Variants in HRNR observed in about 807,000 individuals in gnomAD.
The protein encoded by HRNR is filaggrin family member 3.
In HRNR, 7 loss-of-function variants were observed where a neutral mutation model predicts 4.8. That is an observed-to-expected ratio of 1.47 (90% CI 0.83 to 2.75). The LOEUF (loss-of-function observed/expected upper bound fraction) is 2.75, where lower values mean the gene tolerates loss of function less well. Ranked by LOEUF, HRNR falls within the 30% of genes most tolerant of loss-of-function variation. The pLI, the probability that HRNR is intolerant of heterozygous loss-of-function variation, is 0.00. For synonymous variants in HRNR, 1,023 were observed against 1,242.7 expected (o/e 0.82, Z 3.72); for missense variants, 2,879 against 3,010.4 (o/e 0.96, Z 1.02).
chr1:152,221,491 C>T lies in HRNR; in HGVS notation c.139-1G>A, dbSNP rs752371540. 11 of 1,588,520 alleles carry T rather than the reference C, an allele frequency of 6.9e-6. No homozygotes were observed. Among genetic ancestry groups the T allele is most frequent in the Non-Finnish European group, 9.4e-6 (11 of 1,166,430 alleles). ...CCACAGTATCTGGATCGTTTGGATTCTGTATAAGAGAAAGGTACAAAGAGT... is the reference window on the plus strand; with the variant it reads ...CCACAGTATCTGGATCGTTTGGATTTTGTATAAGAGAAAGGTACAAAGAGT... On this transcript the variant is annotated splice_acceptor_variant, in intron 2 of 2. Transcript: ENST00000368801. LOFTEE classifies it high-confidence loss of function.
Position 152,220,847 on chromosome 1 carries a change from C to T in HRNR, c.782G>A (p.Gly261Asp). Residue 261 changes from glycine to aspartate, a missense_variant, in exon 3 of 3, where the codon GGC (glycine) becomes GAC (aspartate). By Grantham distance (94) the Gly-to-Asp change is moderately conservative. Coordinates refer to ENST00000368801, the MANE Select transcript of HRNR (RefSeq NM_001009931.3). The stretch of plus-strand genomic sequence containing the variant: ...CCTAGATGACTGTCCTGACCTAGAG[C>T]CGTGTTGTCCGTAGCCAGAGGAGTG... ...SGHSSGYGQHGSRSGQSSRGE... is the reference protein window; with the variant it reads ...SGHSSGYGQHDSRSGQSSRGE... 10 of 1,614,010 alleles carry T rather than the reference C, an allele frequency of 6.2e-6. No individual in the cohort carries two copies. Among genetic ancestry groups the T allele is most frequent in the Non-Finnish European group, 8.5e-6 (10 of 1,179,990 alleles).
Position 152,213,356 on chromosome 1 carries a change from C to A in HRNR, c.8273G>T (p.Gly2758Val). Residue 2758 changes from glycine to valine, a missense_variant, in exon 3 of 3, where the codon GGC becomes GTC. Gly to Val is a moderately radical substitution (Grantham distance 109, BLOSUM62 -3). Around this residue, in one of 8 missense-constraint regions of HRNR, gnomAD observed 158 missense variants for 107.6 expected, o/e 1.47. Transcript: ENST00000368801. Reference sequence around the variant, plus strand: ...AGATCCAGCCCCATGTCGGCCATAGCCAGAAGACTGACTGGAGCCAGAGCC... The same window carrying A: ...AGATCCAGCCCCATGTCGGCCATAGACAGAAGACTGACTGGAGCCAGAGCC... ...HRGSGSSQSS[G>V]YGRHGAGSGQ... is the part of the protein sequence containing the mutation. The A allele has an allele frequency of 1.7e-6, 1 of 584,680 alleles. No homozygotes were observed. The highest frequency in any genetic ancestry group is 1.7e-5 in the South Asian group (1 of 57,196). The allele number at this position is 584,680 out of a possible 1,614,324, so 36.2% of individuals were successfully genotyped here. A position where few individuals can be genotyped will look rare whatever the true frequency, so the allele number is the denominator to read the frequency against.
Position 152,220,157 on chromosome 1 carries a change from T to C in HRNR, c.1472A>G (p.His491Arg). ...TCCTGACCTAGAGCCGTGTTGTCCG[T>C]GGCCGGAGGAGTGACCTGAGCCAGA... Reference protein sequence around the residue: ...HGSGSGHSSGHGQHGSRSGQS... With the variant: ...HGSGSGHSSGRGQHGSRSGQS... Residue 491 changes from histidine to arginine, a missense_variant, in exon 3 of 3, where the codon CAC becomes CGC. Coordinates refer to ENST00000368801, the MANE Select transcript of HRNR (RefSeq NM_001009931.3). The C allele has an allele frequency of 6.2e-7, 1 of 1,613,270 alleles. No individual in the cohort carries two copies. The highest frequency in any genetic ancestry group is 8.5e-7 in the Non-Finnish European group (1 of 1,179,488).
chr1:152,220,820 C>G lies in HRNR; in HGVS notation c.809G>C (p.Gly270Ala). Residue 270 changes from glycine (G) to alanine (A), a missense_variant, in exon 3 of 3, where the codon GGT becomes GCT. By Grantham distance (60) the Gly-to-Ala change is moderately conservative (BLOSUM62 0). This residue lies in a region of HRNR where 2,646 missense variants were observed against 1,377.7 expected (regional missense o/e 1.92). Coordinates refer to ENST00000368801, the MANE Select transcript of HRNR (RefSeq NM_001009931.3). ...ACCTGAGCTAGATCTGTGTCGTTCA[C>G]CCCTAGATGACTGTCCTGACCTAGA... ...HGSRSGQSSR[G>A]ERHRSSSGSS... 1.2e-6 allele frequency: 2 copies of G among 1,613,716 alleles called. No individual in the cohort carries two copies. Among genetic ancestry groups the G allele is most frequent in the Non-Finnish European group, 1.7e-6 (2 of 1,179,912 alleles).
rs936251734 is a variant in HRNR at position 152,212,773 on chromosome 1, T to G, written c.*303A>C. ...AATGATGAGCTCTCAAAAAGACAAC[T>G]CCAACTAAACCCAAAGCTCTTTAAA... On this transcript the variant is annotated 3_prime_UTR_variant, in exon 3 of 3. Coordinates refer to ENST00000368801, the MANE Select transcript of HRNR (RefSeq NM_001009931.3). 9.6e-6 allele frequency: 4 copies of G among 417,966 alleles called. No individual in the cohort carries two copies. The highest frequency in any genetic ancestry group is 1.7e-5 in the Non-Finnish European group (4 of 235,934). The allele number at this position is 417,966 out of a possible 1,614,324, so 25.9% of individuals were successfully genotyped here.
In HRNR at chr1:152,219,177, CA is replaced by C. The variant is rs751163105; in HGVS notation, c.2451del (p.Phe817LeufsTer234). 5.6e-6 allele frequency: 9 copies of C among 1,613,812 alleles called. No homozygotes were observed. Among genetic ancestry groups the C allele is most frequent in the South Asian group, 1.1e-5 (1 of 91,072 alleles). ...YESGSGQASG[F>X]GQHESGSGQG... The stretch of plus-strand genomic sequence containing the variant: ...TGTCCTGAGCCAGACTCGTGTTGCC[CA>C]AAACCAGAAGCCTGGCCTGAGCCAG... On this transcript the variant is annotated frameshift_variant, in exon 3 of 3. Transcript: ENST00000368801. LOFTEE classifies it low-confidence loss of function (END_TRUNC).
Position 152,219,569 on chromosome 1 carries a change from C to G in HRNR, c.2060G>C (p.Ser687Thr). The change falls in exon 3 of 3, where the codon AGC becomes ACC. Residue 687 changes from serine (S) to threonine (T), a missense_variant. Transcript: ENST00000368801. The part of the protein sequence containing the change: ...QHGSGSGWSS[S>T]NGPHGSVSGQ... Reference sequence around the variant, plus strand: ...TGAGACAGACCCATGTGGGCCATTGCTTGAAGACCAACCGGAGCCAGACCC... The same window carrying G: ...TGAGACAGACCCATGTGGGCCATTGGTTGAAGACCAACCGGAGCCAGACCC... 2 of 1,613,962 alleles carry G rather than the reference C, an allele frequency of 1.2e-6. No homozygotes were observed. Among genetic ancestry groups the G allele is most frequent in the Non-Finnish European group, 1.7e-6 (2 of 1,180,000 alleles).
chr1:152,218,656 A>C lies in HRNR; in HGVS notation c.2973T>G (p.Arg991=). Residue 991 remains arginine, a synonymous_variant, in exon 3 of 3, where the codon CGT becomes CGG. Transcript: ENST00000368801. Reference sequence around the variant, plus strand: ...CATGTTGGCCGTGGCCCAAAGACTGACGGGAGCCAGACCCATGCTGACCAT... The same window carrying C: ...CATGTTGGCCGTGGCCCAAAGACTGCCGGGAGCCAGACCCATGCTGACCAT... ...SSYGQHGSGS[R]QSLGHGQHGS... The C allele has an allele frequency of 6.2e-7, 1 of 1,612,498 alleles. No individual in the cohort carries two copies. The highest frequency in any genetic ancestry group is 1.1e-5 in the South Asian group (1 of 90,978).
rs1236439430 is a variant in HRNR, at chr1:152,221,336, C to T, written c.293G>A (p.Gly98Glu). ...GTGAGTGTCATCTCTCAGCTTTGAC[C>T]CTGAAACTTGGCAGTAATCTTTGCC... ...IIGKDYCQVS[G>E]SKLRDDTHQH... Residue 98 changes from glycine (G) to glutamate (E), a missense_variant, in exon 3 of 3, where the codon GGG becomes GAG. Transcript: ENST00000368801. The T allele has an allele frequency of 1.2e-6, 2 of 1,613,906 alleles. No homozygotes were observed. Among genetic ancestry groups the T allele is most frequent in the South Asian group, 2.2e-5 (2 of 91,070 alleles).
chr1:152,218,659 G>A lies in HRNR; in HGVS notation c.2970C>T (p.Ser990=). 1 of 1,609,938 alleles carries A rather than the reference G, an allele frequency of 6.2e-7. No individual in the cohort carries two copies. The highest frequency in any genetic ancestry group is 8.5e-7 in the Non-Finnish European group (1 of 1,178,888). The change falls in exon 3 of 3, where the codon TCC becomes TCT. Residue 990 remains serine (S), a synonymous_variant. Transcript: ENST00000368801. ...SSSYGQHGSG[S]RQSLGHGQHG... is the part of the protein sequence containing the mutation. Reference sequence around the variant, plus strand: ...GTTGGCCGTGGCCCAAAGACTGACGGGAGCCAGACCCATGCTGACCATAGC... The same window carrying A: ...GTTGGCCGTGGCCCAAAGACTGACGAGAGCCAGACCCATGCTGACCATAGC...
Position 152,218,652 on chromosome 1 carries a change from A to G in HRNR, c.2977T>C (p.Ser993Pro), listed in dbSNP as rs749149773. The change falls in exon 3 of 3, where the codon TCT (serine) becomes CCT (proline). Residue 993 changes from serine (S) to proline (P), a missense_variant. Around this residue, in one of 8 missense-constraint regions of HRNR, gnomAD observed 2,646 missense variants for 1,377.7 expected, o/e 1.92. Coordinates refer to ENST00000368801, the MANE Select transcript of HRNR (RefSeq NM_001009931.3). ...YGQHGSGSRQSLGHGQHGSGS... is the reference protein window; with the variant it reads ...YGQHGSGSRQPLGHGQHGSGS... ...GACCCATGTTGGCCGTGGCCCAAAG[A>G]CTGACGGGAGCCAGACCCATGCTGA... 6.8e-6 allele frequency: 11 copies of G among 1,611,980 alleles called. No individual in the cohort carries two copies. In the South Asian group the frequency reaches 1.1e-4, roughly 16 times the overall value.
In HRNR at chr1:152,219,449, C is replaced by T; in HGVS notation, c.2180G>A (p.Arg727Lys). The T allele has an allele frequency of 1.2e-6, 2 of 1,613,920 alleles. No individual in the cohort carries two copies. Among genetic ancestry groups the T allele is most frequent in the Non-Finnish European group, 1.7e-6 (2 of 1,179,970 alleles). Residue 727 changes from arginine (R) to lysine (K), a missense_variant, in exon 3 of 3, where the codon AGA (arginine) becomes AAA (lysine). By Grantham distance (26) the Arg-to-Lys change is conservative (BLOSUM62 2). Coordinates refer to ENST00000368801, the MANE Select transcript of HRNR (RefSeq NM_001009931.3). ...GSGSSHSSGY[R>K]KHGSRSGQSS... is the part of the protein sequence containing the mutation. ...CTGTCCTGACCTAGAGCCGTGTTTT[C>T]TGTAGCCGGAGGAGTGACTTGAGCC...
In HRNR at chr1:152,220,092, A is replaced by C; in HGVS notation, c.1537T>G (p.Ser513Ala). ...CCATGCTGACCATAGCTGGAAGATG[A>C]ACCTGCACTAGATCCTTGTCGTTCA... ...RGERQGSSAG[S>A]SSSYGQHGSG... Residue 513 changes from serine (S) to alanine (A), a missense_variant, in exon 3 of 3, where the codon TCA becomes GCA. Ser to Ala is a moderately conservative substitution (Grantham distance 99). Coordinates refer to ENST00000368801, the MANE Select transcript of HRNR (RefSeq NM_001009931.3). 6.2e-7 allele frequency: 1 copy of C among 1,612,764 alleles called. No individual in the cohort carries two copies. Among genetic ancestry groups the C allele is most frequent in the Non-Finnish European group, 8.5e-7 (1 of 1,179,504 alleles).
rs1375738262 is a variant in HRNR at position 152,219,323 on chromosome 1, C to T, written c.2306G>A (p.Gly769Glu). ...SHQSSGHGRQGSGSGHSPSRV... is the reference protein window; with the variant it reads ...SHQSSGHGRQESGSGHSPSRV... ...GCTAGGAGAGTGGCCAGATCCAGAC[C>T]CTTGTCGGCCGTGGCCCGAAGATTG... The change falls in exon 3 of 3, where the codon GGG becomes GAG. Residue 769 changes from glycine (G) to glutamate (E), a missense_variant. This residue lies in a region of HRNR where 2,646 missense variants were observed against 1,377.7 expected (regional missense o/e 1.92). Coordinates refer to ENST00000368801, the MANE Select transcript of HRNR (RefSeq NM_001009931.3). 1.2e-6 allele frequency: 2 copies of T among 1,613,386 alleles called. No individual in the cohort carries two copies. Among genetic ancestry groups the T allele is most frequent in the Non-Finnish European group, 1.7e-6 (2 of 1,179,926 alleles).
At position 152,213,069 on chromosome 1, in the gene HRNR, T is replaced by A. The variant is rs774405372; in HGVS notation, c.*7A>T. ...CTACTTGAGTAAATTGCATTTATGTTTATTATTCACTGATAAAAGTAGCAC... is the reference window on the plus strand; with the variant it reads ...CTACTTGAGTAAATTGCATTTATGTATATTATTCACTGATAAAAGTAGCAC... On this transcript the variant is annotated 3_prime_UTR_variant, in exon 3 of 3. Transcript: ENST00000368801. 6 of 1,605,970 alleles carry A rather than the reference T, an allele frequency of 3.7e-6. No individual in the cohort carries two copies. Among genetic ancestry groups the A allele is most frequent in the Non-Finnish European group, 1.7e-6 (2 of 1,176,156 alleles).
rs141263661 is a variant in HRNR at position 152,219,102 on chromosome 1, G to A, written c.2527C>T (p.Arg843Ter). Residue 843 changes from arginine to a stop codon, truncating the protein, a stop_gained, in exon 3 of 3, where the codon CGA (arginine) becomes TGA (stop). Transcript: ENST00000368801. LOFTEE classifies it low-confidence loss of function (END_TRUNC). ...SASGHFSSQG[R>*]HGSTSGQSSS... ...GACTGCCCTGACGTAGATCCATGTC[G>A]TCCCTGGCTAGAGAAGTGACCTGAG... 1.0e-4 allele frequency: 166 copies of A among 1,613,506 alleles called. 3 individuals are homozygous for A. The highest frequency in any genetic ancestry group is 8.9e-4 in the East Asian group (40 of 44,800).
chr1:152,212,854 G>A lies in HRNR; in HGVS notation c.*222C>T, dbSNP rs543074697. 2 of 618,276 alleles carry A rather than the reference G, an allele frequency of 3.2e-6. No individual in the cohort carries two copies. Among genetic ancestry groups the A allele is most frequent in the Non-Finnish European group, 5.5e-6 (2 of 362,370 alleles). The allele number at this position is 618,276 out of a possible 1,614,324, so 38.3% of individuals were successfully genotyped here. On this transcript the variant is annotated 3_prime_UTR_variant, in exon 3 of 3. Transcript: ENST00000368801. ...TCATTCTAACAAGTTATTCCACTCA[G>A]TATTTTCTAACAAAGTAGCACAAAT...
At position 152,221,204 on chromosome 1, in the gene HRNR, CT is replaced by C. The variant is rs770104060; in HGVS notation, c.424del (p.Arg142GlufsTer18). On this transcript the variant is annotated frameshift_variant, in exon 3 of 3. Transcript: ENST00000368801. LOFTEE classifies it low-confidence loss of function (END_TRUNC). ...AGGTTTAAGACTTCCTCTGACGTTT[CT>C]GGAATAGGAATCATTCTCTCCTGCA... ...WSAGENDSYS[R>X]NVRGSLKPGT... 7.4e-6 allele frequency: 12 copies of C among 1,613,978 alleles called. No individual in the cohort carries two copies. The highest frequency in any genetic ancestry group is 1.3e-5 in the African/African-American group (1 of 74,920).
chr1:152,220,698 G>T lies in HRNR; in HGVS notation c.931C>A (p.Arg311=), dbSNP rs139907915. 3,138 of 1,613,288 alleles carry T rather than the reference G, an allele frequency of 1.9e-3. 5 individuals carry two copies. The highest frequency in any genetic ancestry group is 2.4e-3 in the Non-Finnish European group (2,884 of 1,179,552). The change falls in exon 3 of 3, where the codon CGA becomes AGA. Residue 311 remains arginine (R), a synonymous_variant. Coordinates refer to ENST00000368801, the MANE Select transcript of HRNR (RefSeq NM_001009931.3). ...SGSRQSPSHV[R]HGSGSGHSSS... is the part of the protein sequence containing the mutation. ...GAGTGCCCCGAACCGGACCCATGTC[G>T]GACGTGGCTAGGAGACTGGCGAGAT...
Sources: gnomAD v4.1 joint callset for allele counts on GRCh38, gnomAD v4.1.1 for gene constraint, gnomAD v4.1.1 regional missense constraint, MANE v1.5 for transcripts, NCBI Gene and HGNC (gene_info 2026-07-23, HGNC 2026-07-21) for gene names.